Variants in CFAP54 observed in about 807,000 individuals in gnomAD.
The protein encoded by CFAP54 is cilia- and flagella-associated protein 54.
Under a neutral mutation model 370.4 loss-of-function variants are expected in CFAP54, and 290 were observed. That is an observed-to-expected ratio of 0.78 (90% CI 0.71 to 0.86). CFAP54 has a LOEUF of 0.86. Among genes scored for constraint, CFAP54 ranks in the 40% least tolerant of loss-of-function variants. The probability of loss-of-function intolerance (pLI) is 0.00; values close to 1 mark genes in which losing one functional copy is unlikely to be tolerated. For synonymous variants in CFAP54, 1,206 were observed against 1,236.5 expected, an observed-to-expected ratio of 0.98 and a Z score of 0.52; for missense variants, 3,399 against 3,528.7, an observed-to-expected ratio of 0.96 and a Z score of 0.93.
intron 60 of CFAP54, among the ~76,000 whole-genome samples, chr12:96,771,448 G>T (rs189460916): frequency 4.6e-5 from 7 of 152,070 alleles, no homozygotes; most frequent in Non-Finnish European, 7.4e-5. Context: ...GTCAGGAGAT[G>T]GAGACCATCC....
At chr12:96,748,725 C>A (rs548816491) in intron 55 of CFAP54, among the ~76,000 whole-genome samples, 5 of 152,278 alleles carry the variant, frequency 3.3e-5, no homozygotes, top group Non-Finnish European at 5.9e-5. Flanking sequence ...GTCTAATTTT[C>A]ATTTTCTTTT....
At chr12:96,733,418 A>G (rs1214037703) in intron 50 of CFAP54, among the ~76,000 whole-genome samples, 2 of 152,190 alleles carry the variant, frequency 1.3e-5, no homozygotes, top group Admixed American at 6.5e-5. Context: ...AGTGAGTTGC[A>G]TGGATTTTAT....
At chr12:96,812,971 CCCTTT>C (rs1958942043) in intron 64 of CFAP54, among the ~76,000 whole-genome samples, 1 of 151,980 alleles carries the variant, frequency 6.6e-6, no homozygotes, top group African/African-American at 2.4e-5. Flanking sequence ...CTTTTCCTTT[CCCTTT>C]CCTTTCTTCT....
chr12:96,758,343 C>G (rs995504017), intron 58 of CFAP54, among the ~76,000 whole-genome samples: 9 of 152,068 alleles, frequency 5.9e-5, no homozygotes, highest in Non-Finnish European at 1.3e-4. Flanking sequence ...GGAGGCCTCA[C>G]AATCATGGTG....
At chr12:96,676,873 T>C (rs1364262004) in intron 39 of CFAP54, among the ~76,000 whole-genome samples, 1 of 152,118 alleles carries the variant, frequency 6.6e-6, no homozygotes, top group Non-Finnish European at 1.5e-5. Flanking sequence ...AGCCCGCTTC[T>C]ATCATGGGAG....
At chr12:96,615,337 C>G (rs919694862) in intron 26 of CFAP54, among the ~76,000 whole-genome samples, 3 of 152,188 alleles carry the variant, frequency 2.0e-5, no homozygotes, top group Admixed American at 6.5e-5. Context: ...GGATCCCTTC[C>G]TTATACCTTA....
rs182472086 is a variant in CFAP54, at chr12:96,657,868, T to C, written c.5101-14T>C. The C allele has an allele frequency of 5.5e-4, 829 of 1,504,110 alleles. 5 individuals are homozygous for C. The African/African-American group carries it at 0.01, about 18-fold the overall frequency. The allele number at this position is 1,504,110 out of a possible 1,614,324, so 93.2% of individuals were successfully genotyped here. ...TGAAATTACACATTTTTTTTTTCAC[T>C]GTGCTACTTGCAGCCTATTGAAGAC... On this transcript the variant is annotated splice_polypyrimidine_tract_variant and intron_variant, in intron 36 of 67. Coordinates refer to ENST00000524981, the MANE Select transcript of CFAP54 (RefSeq NM_001306084.2).
rs1592832821 is a variant in CFAP54 at position 96,527,354 on chromosome 12, A to G, written c.1267A>G (p.Ile423Val). Residue 423 changes from isoleucine (I) to valine (V), a missense_variant, in exon 9 of 68, where the codon ATA becomes GTA. This residue lies in a region of CFAP54 where 559 missense variants were observed against 576.7 expected (regional missense o/e 0.97). Transcript: ENST00000524981. ...AGCTCTTTCTGATTCAAATAGGCGA[A>G]TACTGCAAACTGGACCCATTGTTAC... is the stretch of plus-strand genomic sequence containing the variant. ...LEALSDSNRR[I>V]LQTGPIVTDE... The G allele has an allele frequency of 2.0e-6, 3 of 1,535,968 alleles. No homozygotes were observed. The highest frequency in any genetic ancestry group is 2.6e-6 in the Non-Finnish European group (3 of 1,146,766).
chr12:96,664,805 A>G (rs113597640), intron 39 of CFAP54, among the ~76,000 whole-genome samples: 1 of 42,592 alleles, frequency 2.3e-5, no homozygotes, highest in South Asian at 7.3e-4. Context: ...ATATATATAT[A>G]TATATATAGA....
At chr12:96,575,629 T>C (rs1462377655) in intron 19 of CFAP54, among the ~76,000 whole-genome samples, 26 of 152,126 alleles carry the variant, frequency 1.7e-4, no homozygotes, top group Admixed American at 1.7e-3. Flanking sequence ...CATCATTGCA[T>C]TGAATCTTCC....
At chr12:96,528,614 C>T (rs996417368) in intron 9 of CFAP54, among the ~76,000 whole-genome samples, 3 of 152,100 alleles carry the variant, frequency 2.0e-5, no homozygotes, top group South Asian at 2.1e-4. Context: ...ATTCAATTTC[C>T]TCCATAGATA....
intron 26 of CFAP54, among the ~76,000 whole-genome samples, chr12:96,609,989 C>T (rs1956338445): frequency 6.6e-6 from 1 of 152,178 alleles, no homozygotes; most frequent in Non-Finnish European, 1.5e-5. Flanking sequence ...TAATACAGTT[C>T]TAATTAGAAT....
At position 96,621,578 on chromosome 12, in the gene CFAP54, ATTTTAAATTAGAT is replaced by A. The variant is rs1290115634; in HGVS notation, c.3640-10_3642del. 18 of 1,430,270 alleles carry A rather than the reference ATTTTAAATTAGAT, an allele frequency of 1.3e-5. No homozygotes were observed. The highest frequency in any genetic ancestry group is 1.7e-5 in the Non-Finnish European group (18 of 1,075,432). 88.6% of individuals were successfully genotyped at this position (1,430,270 alleles called of 1,614,324 possible). ...TGTCCAACAGAGATAATTAATAAAT[ATTTTAAATTAGAT>A]TCTTCGTTCATGGAGGGAATATGAC... On this transcript the variant is annotated splice_acceptor_variant and splice_polypyrimidine_tract_variant and coding_sequence_variant and intron_variant, in exon 27 of 68. Transcript: ENST00000524981. LOFTEE classifies it high-confidence loss of function.
At chr12:96,565,532 G>A (rs183161600) in intron 19 of CFAP54, among the ~76,000 whole-genome samples, 69 of 152,252 alleles carry the variant, frequency 4.5e-4, no homozygotes, top group African/African-American at 1.6e-3. Flanking sequence ...AAAGCTAGGA[G>A]GGGGATATGG....
At chr12:96,700,179 AT>A in intron 46 of CFAP54, 86 bp downstream of exon 46, 1 of 1,385,704 alleles carries the variant, frequency 7.2e-7, no homozygotes, top group Non-Finnish European at 9.9e-7. Flanking sequence ...ACGAAAGTGT[AT>A]TTACAATCTC....
intron 9 of CFAP54, among the ~76,000 whole-genome samples, chr12:96,527,723 C>T (rs911818457): frequency 2.0e-5 from 3 of 151,966 alleles, no homozygotes; most frequent in African/African-American, 7.3e-5. Context: ...TGCATGCCAC[C>T]ACACCTGGCT....
At chr12:96,742,025 G>A (rs954844993) in intron 51 of CFAP54, among the ~76,000 whole-genome samples, 25 of 152,190 alleles carry the variant, frequency 1.6e-4, no homozygotes, top group African/African-American at 5.1e-4. Context: ...TATACAAAGC[G>A]TGTAGCACAG....
chr12:96,592,557 GT>G lies in CFAP54; in HGVS notation c.3281del (p.Val1094GlufsTer31). ...LLYLFLRNIF[V>X]TSDIKIKEEN... is the part of the protein sequence containing the mutation. The stretch of plus-strand genomic sequence containing the variant: ...GTACCTTTTTCTTAGAAATATTTTT[GT>G]AACAAGTGACATCAAAATTAAAGAA... On this transcript the variant is annotated frameshift_variant, in exon 24 of 68. Coordinates refer to ENST00000524981, the MANE Select transcript of CFAP54 (RefSeq NM_001306084.2). LOFTEE classifies it high-confidence loss of function. 1 of 1,166,648 alleles carries G rather than the reference GT, an allele frequency of 8.6e-7. No individual in the cohort carries two copies. Among genetic ancestry groups the G allele is most frequent in the Non-Finnish European group, 1.2e-6 (1 of 853,734 alleles). 72.3% of individuals were successfully genotyped at this position (1,166,648 alleles called of 1,614,324 possible). A position where few individuals can be genotyped will look rare whatever the true frequency, so the allele number is the denominator to read the frequency against.
At chr12:96,611,166 C>A (rs971612368) in intron 26 of CFAP54, among the ~76,000 whole-genome samples, 1 of 152,218 alleles carries the variant, frequency 6.6e-6, no homozygotes, top group Non-Finnish European at 1.5e-5. Flanking sequence ...CCTCACATGG[C>A]TGGGTACCCC....
Sources: gnomAD v4.1 joint callset for allele counts (sites outside exome capture counted in the v4.1 genomes callset) on GRCh38, gnomAD v4.1.1 for gene constraint, gnomAD v4.1.1 regional missense constraint, MANE v1.5 for transcripts, NCBI Gene and HGNC (gene_info 2026-07-23, HGNC 2026-07-21) for gene names.